The following COMMD1 variants were observed in gnomAD, a reference collection of about 807,000 sequenced individuals.
COMMD1 encodes the protein copper metabolism domain containing 1.
In COMMD1, 10 loss-of-function variants were observed where a neutral mutation model predicts 17.2. That is an observed-to-expected ratio of 0.58 (90% CI 0.36 to 0.99). The LOEUF (loss-of-function observed/expected upper bound fraction) is 0.99. Among genes scored for constraint, COMMD1 ranks in the 50% least tolerant of loss-of-function variants. COMMD1 has a pLI of 0.01. For missense variants in COMMD1, 270 were observed against 231.8 expected (o/e 1.17, Z -1.07); for synonymous variants, 97 against 91.6 (o/e 1.06, Z -0.34).
chr2:62,074,883 GTTT>G (rs570489051), intron 2 of COMMD1, among the ~76,000 whole-genome samples: 2 of 110,512 alleles, frequency 1.8e-5, no homozygotes, highest in Middle Eastern at 5.7e-3. Flanking sequence ...TGTTTGTGTG[GTTT>G]TTTTTTTTTT....
At chr2:62,003,365 C>A (rs1209682445) in intron 2 of COMMD1, among the ~76,000 whole-genome samples, 2 of 151,346 alleles carry the variant, frequency 1.3e-5, no homozygotes, top group Non-Finnish European at 2.9e-5. Context: ...CACAGTGAAA[C>A]CCGTCTCTAC....
chr2:61,942,445 T>G (rs2103640678), intron 1 of COMMD1, among the ~76,000 whole-genome samples: 1 of 152,112 alleles, frequency 6.6e-6, no homozygotes, highest in East Asian at 1.9e-4. Context: ...AGAGTCTTTC[T>G]CTGTCACCCA....
chr2:62,065,925 A>T (rs933873845), intron 2 of COMMD1, among the ~76,000 whole-genome samples: 1 of 152,202 alleles, frequency 6.6e-6, no homozygotes. Flanking sequence ...AAAATAAGAG[A>T]AAAAGAGAGA....
chr2:62,035,453 T>C (rs1257651126), intron 2 of COMMD1, among the ~76,000 whole-genome samples: 2 of 151,986 alleles, frequency 1.3e-5, no homozygotes, highest in African/African-American at 4.8e-5. Flanking sequence ...GGTAGAATGG[T>C]TTTTTGGCCA....
At chr2:62,007,838 A>G (rs1669165464) in intron 2 of COMMD1, among the ~76,000 whole-genome samples, 1 of 152,178 alleles carries the variant, frequency 6.6e-6, no homozygotes, top group Non-Finnish European at 1.5e-5. Flanking sequence ...CTGCTTTTGT[A>G]ATTCTAGCTA....
chr2:62,047,874 GT>G (rs1427982953), intron 2 of COMMD1, among the ~76,000 whole-genome samples: 21 of 151,868 alleles, frequency 1.4e-4, no homozygotes, highest in South Asian at 2.1e-4. Flanking sequence ...ACTTACCATT[GT>G]GCTATAGTTG....
intron 2 of COMMD1, among the ~76,000 whole-genome samples, chr2:62,019,626 G>T (rs1446316368): frequency 6.6e-6 from 1 of 152,184 alleles, no homozygotes; most frequent in Non-Finnish European, 1.5e-5. Context: ...TCAGACCATA[G>T]TAGTGGATTT....
chr2:62,131,652 T>A, intron 2 of COMMD1, among the ~76,000 whole-genome samples: 1 of 151,752 alleles, frequency 6.6e-6, no homozygotes, highest in Non-Finnish European at 1.5e-5. Context: ...AAGCAATCCT[T>A]CCGCCTCAGC....
intron 2 of COMMD1, among the ~76,000 whole-genome samples, chr2:62,110,276 G>T (rs770755984): frequency 1.2e-4 from 18 of 151,838 alleles, no homozygotes; most frequent in Non-Finnish European, 1.2e-4. Context: ...TCACTATATT[G>T]CCCAGGCTGG....
chr2:62,010,315 A>G (rs1310666241), intron 2 of COMMD1, among the ~76,000 whole-genome samples: 2 of 151,778 alleles, frequency 1.3e-5, no homozygotes, highest in South Asian at 2.1e-4. Context: ...TTTCTTTTAA[A>G]ATCTCTTTTG....
At chr2:62,011,502 A>G (rs1669276340) in intron 2 of COMMD1, among the ~76,000 whole-genome samples, 2 of 147,188 alleles carry the variant, frequency 1.4e-5, no homozygotes, top group African/African-American at 5.0e-5. Context: ...GAGGACAAAG[A>G]TTTTTTTTTT....
intron 1 of COMMD1, among the ~76,000 whole-genome samples, chr2:61,965,747 C>T (rs1392075347): frequency 2.6e-5 from 4 of 152,148 alleles, no homozygotes; most frequent in African/African-American, 9.7e-5. Context: ...GATTTGGAGC[C>T]TTAAAGTCCA....
intron 2 of COMMD1, among the ~76,000 whole-genome samples, chr2:62,032,101 A>G (rs778670875): frequency 1.9e-4 from 29 of 152,210 alleles, no homozygotes; most frequent in Non-Finnish European, 4.1e-4. Flanking sequence ...ATTGTGTGTT[A>G]TATATCTTGT....
At chr2:61,979,505 A>G (rs892903525) in intron 1 of COMMD1, among the ~76,000 whole-genome samples, 4 of 152,116 alleles carry the variant, frequency 2.6e-5, no homozygotes, top group African/African-American at 7.2e-5. Flanking sequence ...TAGAGCTAGC[A>G]TATAATTCAG....
intron 1 of COMMD1, among the ~76,000 whole-genome samples, chr2:61,941,258 C>G (rs983875331): frequency 6.6e-6 from 1 of 150,772 alleles, no homozygotes; most frequent in Admixed American, 6.6e-5. Context: ...GAGTTCCTGA[C>G]CTTAGGTGAT....
chr2:61,958,630 C>A (rs931922917), intron 1 of COMMD1, among the ~76,000 whole-genome samples: 2 of 152,178 alleles, frequency 1.3e-5, no homozygotes, highest in African/African-American at 4.8e-5. Flanking sequence ...TTTGTACTCA[C>A]ATGTAGACAA....
intron 1 of COMMD1, among the ~76,000 whole-genome samples, chr2:61,954,687 CT>C (rs1273362051): frequency 1.2e-3 from 179 of 145,554 alleles, no homozygotes; most frequent in Middle Eastern, 3.7e-3. Flanking sequence ...CTCTCTCTCT[CT>C]TTTTTTTTTT....
At chr2:61,928,870 A>G (rs1670393272) in intron 1 of COMMD1, among the ~76,000 whole-genome samples, 1 of 152,232 alleles carries the variant, frequency 6.6e-6, no homozygotes, top group Non-Finnish European at 1.5e-5. Context: ...CAATCTTAAA[A>G]AAAGGATACT....
chr2:62,111,573 A>T (rs1210610625), intron 2 of COMMD1, among the ~76,000 whole-genome samples: 1 of 152,032 alleles, frequency 6.6e-6, no homozygotes, highest in Non-Finnish European at 1.5e-5. Flanking sequence ...TAGAAGGGAG[A>T]GAGTGACCTT....
Sources: allele counts gnomAD v4.1 joint callset (sites outside exome capture counted in the v4.1 genomes callset), GRCh38; gene constraint gnomAD v4.1.1; transcripts MANE v1.5; gene names NCBI Gene and HGNC (gene_info 2026-07-23, HGNC 2026-07-21).